MAGI2: variants seen among roughly 807,000 people sequenced by gnomAD.
The protein encoded by MAGI2 is membrane-associated guanylate kinase, WW and PDZ domain-containing protein 2.
MAGI2 carries 35 observed loss-of-function variants against 133.3 expected under a neutral mutation model. That is an observed-to-expected ratio of 0.26 (90% CI 0.20 to 0.35). MAGI2 has a LOEUF of 0.35. MAGI2 is among the 10% of genes least tolerant of loss of function. The probability of loss-of-function intolerance (pLI) is 1.00; values close to 1 mark genes in which losing one functional copy is unlikely to be tolerated. For synonymous variants in MAGI2, 729 were observed against 710.6 expected, an observed-to-expected ratio of 1.03 and a Z score of -0.41; for missense variants, 1,636 against 1,863.4, an observed-to-expected ratio of 0.88 and a Z score of 2.25.
At chr7:78,539,972 G>A (rs10441322) in intron 3 of MAGI2, among the ~76,000 whole-genome samples, 13,573 of 152,222 alleles carry the variant, frequency 0.089, 1,445 homozygotes, top group East Asian at 0.39. Context: ...CTTGGAGCAG[G>A]GTTATTCTTT....
At chr7:78,045,920 A>G (rs1480708844) in intron 21 of MAGI2, among the ~76,000 whole-genome samples, 4 of 152,186 alleles carry the variant, frequency 2.6e-5, no homozygotes, top group African/African-American at 9.7e-5. Context: ...TACTTGCTCT[A>G]TTGGACATTC....
At chr7:79,150,980 A>G (rs916908096) in intron 1 of MAGI2, among the ~76,000 whole-genome samples, 2 of 152,066 alleles carry the variant, frequency 1.3e-5, no homozygotes, top group Non-Finnish European at 2.9e-5. Flanking sequence ...CTGGGCTCAC[A>G]GCGTTTTTGT....
intron 1 of MAGI2, among the ~76,000 whole-genome samples, chr7:79,051,114 C>T (rs1812633305): frequency 6.6e-6 from 1 of 152,194 alleles, no homozygotes; most frequent in Admixed American, 6.5e-5. Context: ...GTTTGATCCT[C>T]ATTCTAAGTC....
At chr7:79,295,743 G>A (rs997083835) in intron 1 of MAGI2, among the ~76,000 whole-genome samples, 1 of 151,808 alleles carries the variant, frequency 6.6e-6, no homozygotes, top group African/African-American at 2.4e-5. Context: ...TCTTGTATCC[G>A]CAGTGACTAG....
chr7:78,949,154 A>T (rs1801670228), intron 2 of MAGI2, among the ~76,000 whole-genome samples: 2 of 152,150 alleles, frequency 1.3e-5, no homozygotes, highest in South Asian at 4.1e-4. Flanking sequence ...AATTACTATG[A>T]AATGTGGAAA....
At chr7:79,048,389 A>G (rs779312472) in intron 1 of MAGI2, among the ~76,000 whole-genome samples, 1 of 152,210 alleles carries the variant, frequency 6.6e-6, no homozygotes, top group Non-Finnish European at 1.5e-5. Flanking sequence ...GATGTTCTCC[A>G]ATTGAATGTT....
chr7:79,393,086 G>A (rs1844785781), intron 1 of MAGI2, among the ~76,000 whole-genome samples: 1 of 152,156 alleles, frequency 6.6e-6, no homozygotes, highest in Non-Finnish European at 1.5e-5. Flanking sequence ...TCTATTTGCA[G>A]TGTATATTTG....
intron 6 of MAGI2, among the ~76,000 whole-genome samples, chr7:78,371,351 T>A (rs1793894409): frequency 6.6e-6 from 1 of 151,948 alleles, no homozygotes; most frequent in Admixed American, 6.6e-5. Flanking sequence ...TTTATTAATA[T>A]GGTTCGATAC....
chr7:78,918,892 C>T (rs1338021255), intron 2 of MAGI2, among the ~76,000 whole-genome samples: 1 of 152,010 alleles, frequency 6.6e-6, no homozygotes, highest in African/African-American at 2.4e-5. Flanking sequence ...TAAAGAGATG[C>T]CCAAAGTGCT....
intron 2 of MAGI2, among the ~76,000 whole-genome samples, chr7:78,966,345 C>G (rs1803302147): frequency 6.6e-6 from 1 of 152,022 alleles, no homozygotes; most frequent in Non-Finnish European, 1.5e-5. Flanking sequence ...TTTCCCTCTC[C>G]CTCTACTCCT....
intron 1 of MAGI2, among the ~76,000 whole-genome samples, chr7:79,103,849 G>A (rs908973846): frequency 1.7e-4 from 24 of 144,306 alleles, no homozygotes; most frequent in Non-Finnish European, 3.1e-4. Context: ...ACAGGCGCCC[G>A]CCACCACACC....
intron 2 of MAGI2, among the ~76,000 whole-genome samples, chr7:78,971,691 C>T (rs1028228433): frequency 2.0e-5 from 3 of 151,904 alleles, no homozygotes; most frequent in African/African-American, 4.8e-5. Context: ...ATGATTAGAA[C>T]GTGAATTTGG....
At chr7:79,440,901 G>A (rs1848454160) in intron 1 of MAGI2, among the ~76,000 whole-genome samples, 2 of 152,116 alleles carry the variant, frequency 1.3e-5, no homozygotes, top group Admixed American at 1.3e-4. Context: ...CTCTCTTCAC[G>A]ATCACAACAT....
rs749325642 is a variant in MAGI2 at position 78,798,558 on chromosome 7, T to C, written c.419-171319A>G. On this transcript the variant is annotated intron_variant, in intron 2 of 21. Coordinates refer to ENST00000354212, the MANE Select transcript of MAGI2 (RefSeq NM_012301.4). The stretch of plus-strand genomic sequence containing the variant: ...CTGCTCCTTGTTCTTTTATTTATTT[T>C]GTTTCTTTTCCTCATTCTTCTCTTT... Among the ~76,000 whole-genome samples, 43 of 152,298 alleles carry C rather than the reference T, an allele frequency of 2.8e-4. 1 individual carries two copies. The highest frequency in any genetic ancestry group is 4.3e-4 in the Non-Finnish European group (29 of 68,032).
At chr7:78,698,965 A>G (rs1039258346) in intron 2 of MAGI2, among the ~76,000 whole-genome samples, 2 of 152,212 alleles carry the variant, frequency 1.3e-5, no homozygotes, top group African/African-American at 4.8e-5. Flanking sequence ...CTGACAGTAT[A>G]TAACTTTAAC....
chr7:79,080,919 A>G (rs1050318776), intron 1 of MAGI2, among the ~76,000 whole-genome samples: 3 of 151,992 alleles, frequency 2.0e-5, no homozygotes, highest in African/African-American at 4.8e-5. Context: ...ACTAAAATCC[A>G]TTGTCCACAG....
chr7:78,690,479 C>T (rs978972467), intron 2 of MAGI2, among the ~76,000 whole-genome samples: 1 of 152,172 alleles, frequency 6.6e-6, no homozygotes, highest in Admixed American at 6.6e-5. Flanking sequence ...TAGACATTAG[C>T]TTGAGAATGT....
rs1223153606 is a variant in MAGI2 at position 79,405,924 on chromosome 7, A to C, written c.301+47096T>G. On this transcript the variant is annotated intron_variant, in intron 1 of 21. Transcript: ENST00000354212. ...AAATGACCTTGTAACCACAACACAA[A>C]AAAAAAAAAAAAAAAAATGGAGCCC... is the stretch of plus-strand genomic sequence containing the variant. Among the ~76,000 whole-genome samples, 25 of 39,198 alleles carry C rather than the reference A, an allele frequency of 6.4e-4. No homozygotes were observed. The African/African-American group carries it at 6.6e-3, about 10-fold the overall frequency. The allele number at this position is 39,198 out of a possible 152,430, so 25.7% of individuals were successfully genotyped here. A position where few individuals can be genotyped will look rare whatever the true frequency, so the allele number is the denominator to read the frequency against.
intron 1 of MAGI2, among the ~76,000 whole-genome samples, chr7:79,289,382 A>C (rs1836279299): frequency 6.6e-6 from 1 of 152,302 alleles, no homozygotes; most frequent in South Asian, 2.1e-4. Flanking sequence ...CTATGTTGGA[A>C]ATCATGTCTC....
Sources: allele counts gnomAD v4.1 joint callset (sites outside exome capture counted in the v4.1 genomes callset), GRCh38; gene constraint gnomAD v4.1.1; transcripts MANE v1.5; gene names NCBI Gene and HGNC (gene_info 2026-07-23, HGNC 2026-07-21).